SLC35F4: variants seen among roughly 807,000 people sequenced by gnomAD.
The protein encoded by SLC35F4 is chromosome 14 open reading frame 36.
SLC35F4 carries 24 observed loss-of-function variants against 44.2 expected under a neutral mutation model. The observed-to-expected ratio is 0.54, with a 90% CI of 0.39 to 0.76. SLC35F4 has a LOEUF of 0.76. Among genes scored for constraint, SLC35F4 ranks in the 30% least tolerant of loss-of-function variants. SLC35F4 has a pLI of 0.00. For synonymous variants in SLC35F4, 238 were observed against 223.6 expected, an observed-to-expected ratio of 1.06 and a Z score of -0.57; for missense variants, 562 against 586.1, an observed-to-expected ratio of 0.96 and a Z score of 0.42.
chr14:57,972,909 C>A (rs762487752), downstream of SLC35F4, among the ~76,000 whole-genome samples: 14 of 152,184 alleles, frequency 9.2e-5, no homozygotes, highest in African/African-American at 3.4e-4. Context: ...AATACAATGC[C>A]GAGGGAGAAG....
chr14:57,713,536 T>G (rs1244041661), intron 1 of SLC35F4, among the ~76,000 whole-genome samples: 2 of 152,218 alleles, frequency 1.3e-5, no homozygotes, highest in African/African-American at 4.8e-5. Flanking sequence ...AAATTTTCTC[T>G]GCCAAATTAA....
At position 57,922,515 on chromosome 14, in the gene SLC35F4, G is replaced by A. The variant is rs796440053; in HGVS notation, n.282+59398C>T. ...GCAGGTCTGTGTTTCCTAGGGCAAA[G>A]GAGGAGTCACACAGTCTACACAAGA... On this transcript the variant is annotated intron_variant and non_coding_transcript_variant, in intron 1 of 1. Coordinates refer to the SLC35F4 transcript ENST00000556568. Among the ~76,000 whole-genome samples, 6 of 152,282 alleles carry A rather than the reference G, an allele frequency of 3.9e-5. 1 individual carries two copies. Among genetic ancestry groups the A allele is most frequent in the African/African-American group, 1.4e-4 (6 of 41,566 alleles).
intron 7 of SLC35F4, among the ~76,000 whole-genome samples, chr14:57,564,878 TA>T (rs1566619223): frequency 6.6e-6 from 1 of 152,158 alleles, no homozygotes; most frequent in Non-Finnish European, 1.5e-5. Context: ...TAAAAGCCCA[TA>T]CCCATTAACT....
chr14:57,772,020 C>G (rs2077376784), intron 1 of SLC35F4, among the ~76,000 whole-genome samples: 1 of 152,172 alleles, frequency 6.6e-6, no homozygotes, highest in Non-Finnish European at 1.5e-5. Flanking sequence ...AATCCCCTTT[C>G]AAATCCTTAC....
intron 1 of SLC35F4, among the ~76,000 whole-genome samples, chr14:57,600,564 C>T (rs1286288829): frequency 1.4e-5 from 2 of 145,978 alleles, no homozygotes; most frequent in African/African-American, 2.5e-5. Context: ...TAGTGGCGGG[C>T]GCCTGTAGTC....
Position 57,589,356 on chromosome 14 carries a change from T to C in SLC35F4, c.447A>G (p.Val149=), listed in dbSNP as rs770386138. Reference sequence around the variant, plus strand: ...AATAGAAGTTCTTATAAGTAATTTTTACAATCTGTGTAGTTCCAACCCAAG... The same window carrying C: ...AATAGAAGTTCTTATAAGTAATTTTCACAATCTGTGTAGTTCCAACCCAAG... The part of the protein sequence containing the change: ...SSSWVGTTQI[V]KITYKNFYCP... The change falls in exon 3 of 8, where the codon GTA becomes GTG. Residue 149 remains valine (V), a synonymous_variant. Coordinates refer to ENST00000556826, the MANE Select transcript of SLC35F4 (RefSeq NM_001306087.2). 1 of 1,614,000 alleles carries C rather than the reference T, an allele frequency of 6.2e-7. No individual in the cohort carries two copies. Among genetic ancestry groups the C allele is most frequent in the Non-Finnish European group, 8.5e-7 (1 of 1,179,892 alleles).
intron 1 of SLC35F4, among the ~76,000 whole-genome samples, chr14:57,711,660 G>T (rs1030296326): frequency 6.6e-6 from 1 of 152,160 alleles, no homozygotes; most frequent in Non-Finnish European, 1.5e-5. Flanking sequence ...AATCTCTATA[G>T]TCACAGTCAA....
At chr14:57,595,193 A>G (rs1001062322) in intron 1 of SLC35F4, among the ~76,000 whole-genome samples, 2 of 152,202 alleles carry the variant, frequency 1.3e-5, no homozygotes, top group African/African-American at 4.8e-5. Context: ...TAACCTTGAC[A>G]GTTCTAAAGA....
intron 1 of SLC35F4, among the ~76,000 whole-genome samples, chr14:57,664,833 G>A (rs2074254899): frequency 6.6e-6 from 1 of 152,134 alleles, no homozygotes; most frequent in Non-Finnish European, 1.5e-5. Context: ...CTGTCCTCCA[G>A]GCCTGTCCCA....
intron 6 of SLC35F4, among the ~76,000 whole-genome samples, chr14:57,567,002 T>C (rs1427200292): frequency 6.6e-6 from 1 of 152,248 alleles, no homozygotes; most frequent in African/African-American, 2.4e-5. Flanking sequence ...GTCTATCCAA[T>C]GATAGCCTAT....
chr14:57,812,571 CTG>C (rs990949380), intron 1 of SLC35F4, among the ~76,000 whole-genome samples: 22 of 152,274 alleles, frequency 1.4e-4, no homozygotes, highest in African/African-American at 5.3e-4. Context: ...CTGGAGTAAA[CTG>C]TGGCATTTCA....
intron 1 of SLC35F4, among the ~76,000 whole-genome samples, chr14:57,923,735 AGAG>A (rs1381671765): frequency 1.3e-5 from 2 of 152,226 alleles, no homozygotes; most frequent in African/African-American, 2.4e-5. Flanking sequence ...TAGTTGGAGA[AGAG>A]GAGAAGAATT....
chr14:57,667,816 C>T (rs527562247), intron 1 of SLC35F4, among the ~76,000 whole-genome samples: 1 of 151,300 alleles, frequency 6.6e-6, no homozygotes, highest in Non-Finnish European at 1.5e-5. Flanking sequence ...GTCTTTATAG[C>T]AGCATGATTT....
intron 1 of SLC35F4, among the ~76,000 whole-genome samples, chr14:57,890,051 AC>A (rs1758623113): frequency 6.6e-6 from 1 of 152,034 alleles, no homozygotes; most frequent in African/African-American, 2.4e-5. Flanking sequence ...ATCCTTCTCT[AC>A]CCCCACTGAT....
chr14:57,973,804 T>C (rs1881126505), downstream of SLC35F4, among the ~76,000 whole-genome samples: 1 of 152,086 alleles, frequency 6.6e-6, no homozygotes, highest in African/African-American at 2.4e-5. Flanking sequence ...GCATTCTCTC[T>C]TCTTATTTGC....
intron 1 of SLC35F4, among the ~76,000 whole-genome samples, chr14:57,878,070 T>G (rs1352753966): frequency 6.6e-6 from 1 of 152,082 alleles, no homozygotes; most frequent in African/African-American, 2.4e-5. Context: ...TAATGATTAG[T>G]GATATTGAGC....
At chr14:57,761,193 T>A (rs2140625540) in intron 1 of SLC35F4, among the ~76,000 whole-genome samples, 1 of 152,278 alleles carries the variant, frequency 6.6e-6, no homozygotes, top group East Asian at 1.9e-4. Context: ...AAACAGCGGT[T>A]GCATATATTT....
At chr14:57,602,159 TG>T (rs5808928) in intron 1 of SLC35F4, among the ~76,000 whole-genome samples, 104,549 of 138,672 alleles carry the variant, frequency 0.75, 37,065 homozygotes, top group Middle Eastern at 0.81. Flanking sequence ...AATTTCAGCC[TG>T]GATGGTAAAA....
At chr14:57,692,674 A>G (rs552940091) in intron 1 of SLC35F4, among the ~76,000 whole-genome samples, 1 of 152,272 alleles carries the variant, frequency 6.6e-6, no homozygotes, top group African/African-American at 2.4e-5. Context: ...TATTTCTAAC[A>G]CAGTAGCCTT....
Sources: allele counts gnomAD v4.1 joint callset (sites outside exome capture counted in the v4.1 genomes callset), GRCh38; gene constraint gnomAD v4.1.1; transcripts MANE v1.5; gene names NCBI Gene and HGNC (gene_info 2026-07-23, HGNC 2026-07-21).